CSMD1: variants seen among roughly 807,000 people sequenced by gnomAD.
CSMD1 encodes CUB and sushi domain-containing protein 1.
CSMD1 carries 213 observed loss-of-function variants against 417.5 expected under a neutral mutation model. The ratio of observed to expected loss-of-function variants is 0.51; its 90% CI spans 0.46 to 0.57. CSMD1 has a LOEUF of 0.57. Ranked by LOEUF, CSMD1 falls within the 20% of genes least tolerant of loss-of-function variation. The pLI, the probability that CSMD1 is intolerant of heterozygous loss-of-function variation, is 0.00. For missense variants in CSMD1, 6,923 were observed against 4,529.7 expected (o/e 1.53, Z -15.17); for synonymous variants, 2,862 against 1,736.8 (o/e 1.65, Z -16.11).
chr8:4,243,496 T>C (rs1802526119), intron 3 of CSMD1, among the ~76,000 whole-genome samples: 1 of 152,106 alleles, frequency 6.6e-6, no homozygotes, highest in South Asian at 2.1e-4. Context: ...ACAGAAACTT[T>C]CTAATTTTAA....
intron 5 of CSMD1, among the ~76,000 whole-genome samples, chr8:3,925,831 C>T (rs1013807270): frequency 2.6e-5 from 4 of 151,940 alleles, no homozygotes; most frequent in East Asian, 1.9e-4. Context: ...CCAACTAATA[C>T]GGGCAGTGAA....
intron 11 of CSMD1, among the ~76,000 whole-genome samples, chr8:3,488,552 T>C (rs1002752303): frequency 6.6e-6 from 1 of 152,242 alleles, no homozygotes; most frequent in African/African-American, 2.4e-5. Flanking sequence ...TGTAGATTCA[T>C]ACTGCTAATT....
intron 37 of CSMD1, among the ~76,000 whole-genome samples, chr8:3,175,553 C>T (rs898105568): frequency 1.4e-5 from 2 of 143,700 alleles, no homozygotes; most frequent in Non-Finnish European, 1.5e-5. Flanking sequence ...CCCTCCCTCT[C>T]TCCCTCCCTG....
At chr8:3,592,696 G>C (rs1425393428) in intron 8 of CSMD1, among the ~76,000 whole-genome samples, 1 of 144,588 alleles carries the variant, frequency 6.9e-6, no homozygotes, top group Non-Finnish European at 1.5e-5. Context: ...GCACATCCGT[G>C]TGTGTGTGTG....
intron 65 of CSMD1, among the ~76,000 whole-genome samples, chr8:2,951,691 G>A (rs1374555310): frequency 1.3e-5 from 2 of 152,072 alleles, no homozygotes; most frequent in African/African-American, 2.4e-5. Context: ...TGAAAGACTT[G>A]GAAGGCTCCA....
chr8:4,206,198 T>A (rs1414104407), intron 3 of CSMD1, among the ~76,000 whole-genome samples: 1 of 152,180 alleles, frequency 6.6e-6, no homozygotes, highest in Non-Finnish European at 1.5e-5. Context: ...AGGATTTCTT[T>A]TTCTTTTTTT....
intron 5 of CSMD1, among the ~76,000 whole-genome samples, chr8:3,875,675 C>T (rs1805766855): frequency 1.3e-5 from 2 of 152,126 alleles, no homozygotes; most frequent in Non-Finnish European, 2.9e-5. Context: ...TCCAGGAGAG[C>T]AGCTCTGGCT....
chr8:4,755,538 C>T (rs1180895714), intron 1 of CSMD1, among the ~76,000 whole-genome samples: 2 of 152,126 alleles, frequency 1.3e-5, no homozygotes, highest in Non-Finnish European at 2.9e-5. Context: ...GTCTTATACA[C>T]CTGTCCTGAT....
At chr8:4,603,333 C>A (rs1034341896) in intron 2 of CSMD1, among the ~76,000 whole-genome samples, 5 of 151,854 alleles carry the variant, frequency 3.3e-5, no homozygotes. Flanking sequence ...ATTAAGAATT[C>A]AATATATCAT....
intron 3 of CSMD1, among the ~76,000 whole-genome samples, chr8:4,044,939 G>A (rs1798074460): frequency 1.2e-5 from 1 of 82,344 alleles, no homozygotes; most frequent in South Asian, 3.2e-4. Context: ...TGTCCCCATG[G>A]CATCTGAGAG....
intron 3 of CSMD1, among the ~76,000 whole-genome samples, chr8:4,388,245 T>C (rs1167578475): frequency 1.3e-5 from 2 of 150,830 alleles, no homozygotes; most frequent in Non-Finnish European, 2.9e-5. Flanking sequence ...AATTCACAAT[T>C]GCAAAATCAT....
intron 8 of CSMD1, among the ~76,000 whole-genome samples, chr8:3,606,402 T>A (rs115414212): frequency 6.6e-6 from 1 of 152,154 alleles, no homozygotes; most frequent in Non-Finnish European, 1.5e-5. Context: ...CTGTAGGCAA[T>A]TGAACACAAT....
At chr8:4,903,682 C>T (rs180861339) in intron 1 of CSMD1, among the ~76,000 whole-genome samples, 26 of 152,144 alleles carry the variant, frequency 1.7e-4, no homozygotes, top group African/African-American at 4.8e-4. Context: ...ATGTTTATAC[C>T]AAAGGTTGTA....
intron 5 of CSMD1, among the ~76,000 whole-genome samples, chr8:3,782,397 A>C (rs1324512410): frequency 6.6e-6 from 1 of 152,190 alleles, no homozygotes; most frequent in Non-Finnish European, 1.5e-5. Context: ...ACGATAAACT[A>C]AAAAATAGAC....
chr8:3,915,755 G>T (rs1029366398), intron 5 of CSMD1, among the ~76,000 whole-genome samples: 2 of 148,686 alleles, frequency 1.3e-5, no homozygotes, highest in African/African-American at 5.0e-5. Flanking sequence ...GAACTCTCTC[G>T]CTTTCCATTG....
intron 7 of CSMD1, among the ~76,000 whole-genome samples, chr8:3,675,421 G>C (rs145142018): frequency 3.9e-5 from 6 of 152,298 alleles, no homozygotes; most frequent in East Asian, 1.9e-4. Context: ...ATGAACAAAG[G>C]AAGTCTTCTG....
chr8:3,076,898 G>C (rs921876450), intron 49 of CSMD1, among the ~76,000 whole-genome samples: 1 of 152,092 alleles, frequency 6.6e-6, no homozygotes. Context: ...TTGCTACCTG[G>C]ATATACTACA....
At chr8:3,753,579 G>A (rs1460805021) in intron 6 of CSMD1, among the ~76,000 whole-genome samples, 1 of 152,126 alleles carries the variant, frequency 6.6e-6, no homozygotes, top group African/African-American at 2.4e-5. Flanking sequence ...CAACCTATAT[G>A]CTATAGCATG....
chr8:3,903,808 G>C (rs192190493), intron 5 of CSMD1, among the ~76,000 whole-genome samples: 134 of 152,180 alleles, frequency 8.8e-4, no homozygotes, highest in Non-Finnish European at 1.7e-3. Flanking sequence ...TGTTCCATGG[G>C]TCATGTTTTC....
Sources: gnomAD v4.1 joint callset for allele counts (sites outside exome capture counted in the v4.1 genomes callset) on GRCh38, gnomAD v4.1.1 for gene constraint, MANE v1.5 for transcripts, NCBI Gene and HGNC (gene_info 2026-07-23, HGNC 2026-07-21) for gene names.